Variants in FAM114A1 observed in about 807,000 individuals in gnomAD.
FAM114A1 encodes family with sequence similarity 114 member A1, also known as protein NOXP20.
Under a neutral mutation model 64.3 loss-of-function variants are expected in FAM114A1, and 62 were observed. The observed-to-expected ratio is 0.96, with a 90% CI of 0.79 to 1.19. FAM114A1 has a LOEUF of 1.19. Among genes scored for constraint, FAM114A1 ranks in the 50% most tolerant of loss-of-function variants. The pLI is 0.00. For missense variants in FAM114A1, 645 were observed against 676.3 expected (o/e 0.95, Z 0.51); for synonymous variants, 254 against 251.1 (o/e 1.01, Z -0.11).
At chr4:38,917,780 C>T (rs554646941) in intron 8 of FAM114A1, among the ~76,000 whole-genome samples, 2 of 152,256 alleles carry the variant, frequency 1.3e-5, no homozygotes, top group South Asian at 2.1e-4. Flanking sequence ...GAAGAAGGTT[C>T]GGCCTTTGGA....
intron 8 of FAM114A1, among the ~76,000 whole-genome samples, chr4:38,920,543 C>T (rs1011777817): frequency 4.6e-5 from 7 of 152,156 alleles, no homozygotes; most frequent in African/African-American, 9.7e-5. Flanking sequence ...AAGAGTGCTT[C>T]GCTAAAGAAA....
chr4:38,916,421 A>G (rs1719054579), intron 8 of FAM114A1, among the ~76,000 whole-genome samples: 1 of 152,232 alleles, frequency 6.6e-6, no homozygotes, highest in African/African-American at 2.4e-5. Context: ...AAGCCAAAGA[A>G]GCACAAATGT....
intron 9 of FAM114A1, chr4:38,928,976 C>A: frequency 4.4e-6 from 2 of 451,222 alleles, no homozygotes; most frequent in Non-Finnish European, 4.1e-6. Context: ...CCTCCCTGAC[C>A]TCTTGTTGCC....
chr4:38,916,783 A>G (rs1332240100), intron 8 of FAM114A1, among the ~76,000 whole-genome samples: 2 of 152,172 alleles, frequency 1.3e-5, no homozygotes, highest in African/African-American at 2.4e-5. Context: ...CGTTCTGCAC[A>G]TGTATCCCAG....
intron 3 of FAM114A1, among the ~76,000 whole-genome samples, chr4:38,886,547 G>T (rs1444162623): frequency 3.9e-5 from 6 of 152,144 alleles, no homozygotes; most frequent in African/African-American, 1.2e-4. Context: ...GACACATTTT[G>T]TTCATGTCGT....
At chr4:38,926,704 C>A (rs1383828744) in intron 9 of FAM114A1, among the ~76,000 whole-genome samples, 1 of 152,156 alleles carries the variant, frequency 6.6e-6, no homozygotes, top group African/African-American at 2.4e-5. Context: ...GATCCAACCA[C>A]GTTGGCCTCC....
intron 3 of FAM114A1, among the ~76,000 whole-genome samples, chr4:38,888,954 T>G (rs981841043): frequency 1.3e-5 from 2 of 152,240 alleles, no homozygotes; most frequent in Admixed American, 6.5e-5. Context: ...ATATGTGTAT[T>G]TAATCATTTG....
intron 7 of FAM114A1, among the ~76,000 whole-genome samples, chr4:38,914,075 G>A (rs1579364535): frequency 6.6e-6 from 1 of 152,038 alleles, no homozygotes; most frequent in South Asian, 2.1e-4. Flanking sequence ...ACTCCAGCCT[G>A]GGCAACAAGA....
intron 4 of FAM114A1, among the ~76,000 whole-genome samples, chr4:38,897,978 G>A (rs1256634631): frequency 6.6e-6 from 1 of 151,704 alleles, no homozygotes; most frequent in Non-Finnish European, 1.5e-5. Context: ...AAGAAAAGAG[G>A]GTTTTGATAG....
At chr4:38,940,142 C>A (rs1272752097) in intron 13 of FAM114A1, among the ~76,000 whole-genome samples, 1 of 152,138 alleles carries the variant, frequency 6.6e-6, no homozygotes, top group Non-Finnish European at 1.5e-5. Context: ...CCACTCACCT[C>A]GGCCTCTGAA....
At position 38,905,739 on chromosome 4, in the gene FAM114A1, T is replaced by C. The variant is rs766584561; in HGVS notation, c.551-16T>C. On this transcript the variant is annotated splice_polypyrimidine_tract_variant and intron_variant, in intron 5 of 14. Coordinates refer to ENST00000358869, the MANE Select transcript of FAM114A1 (RefSeq NM_138389.4). ...CAGCGACGTGAACTCTTAAAGGATT[T>C]CTTTTTTCTCTTTAGTAACAGATGC... 9.9e-6 allele frequency: 16 copies of C among 1,610,912 alleles called. No individual in the cohort carries two copies. The highest frequency in any genetic ancestry group is 1.4e-5 in the Non-Finnish European group (16 of 1,179,166).
intron 4 of FAM114A1, among the ~76,000 whole-genome samples, chr4:38,894,040 G>T (rs534282525): frequency 1.3e-5 from 2 of 152,038 alleles, no homozygotes; most frequent in South Asian, 4.2e-4. Flanking sequence ...GTGGGTGCCT[G>T]TAGTCCCAGC....
chr4:38,899,027 A>T (rs1476299865), intron 4 of FAM114A1, among the ~76,000 whole-genome samples: 2 of 106,086 alleles, frequency 1.9e-5, no homozygotes, highest in East Asian at 4.8e-4. Flanking sequence ...TATATATGTT[A>T]TATATATATA....
At position 38,924,974 on chromosome 4, in the gene FAM114A1, A is replaced by G. The variant is rs186868268; in HGVS notation, c.1069+2081A>G. On this transcript the variant is annotated intron_variant, in intron 9 of 14. Transcript: ENST00000358869. ...GAGATATTGTTGCCAATGCAACTAA[A>G]GAAATATTGCATCCCCAACTGGTGC... is the stretch of plus-strand genomic sequence containing the variant. 7.4e-4 allele frequency among the ~76,000 whole-genome samples: 112 copies of G among 152,376 alleles called. 1 individual carries two copies. The highest frequency in any genetic ancestry group is 6.8e-3 in the Middle Eastern group (2 of 294).
chr4:38,907,492 A>G (rs1718136315), intron 6 of FAM114A1, among the ~76,000 whole-genome samples: 1 of 152,138 alleles, frequency 6.6e-6, no homozygotes, highest in South Asian at 2.1e-4. Flanking sequence ...CAATAAAATA[A>G]TTTTTCATAG....
intron 4 of FAM114A1, among the ~76,000 whole-genome samples, chr4:38,895,478 G>A (rs1266308150): frequency 6.6e-6 from 1 of 152,174 alleles, no homozygotes; most frequent in African/African-American, 2.4e-5. Context: ...AACTGATCAA[G>A]GACCTTAATT....
intron 2 of FAM114A1, among the ~76,000 whole-genome samples, chr4:38,874,076 G>A (rs542805621): frequency 0.023 from 3,472 of 152,294 alleles, 132 homozygotes; most frequent in African/African-American, 0.076. Flanking sequence ...GCCACTGACT[G>A]AATGTAAGAA....
At chr4:38,930,406 G>T (rs957113145) in intron 10 of FAM114A1, among the ~76,000 whole-genome samples, 7 of 152,016 alleles carry the variant, frequency 4.6e-5, no homozygotes, top group African/African-American at 1.5e-4. Flanking sequence ...CTCTGATGGG[G>T]GTCACTGATT....
intron 8 of FAM114A1, among the ~76,000 whole-genome samples, chr4:38,919,756 T>C (rs1168018681): frequency 1.3e-5 from 2 of 152,210 alleles, no homozygotes; most frequent in Non-Finnish European, 2.9e-5. Context: ...TCATCCCTGC[T>C]GACAGTCATG....
Sources: allele counts gnomAD v4.1 joint callset (sites outside exome capture counted in the v4.1 genomes callset), GRCh38; gene constraint gnomAD v4.1.1; transcripts MANE v1.5; gene names NCBI Gene and HGNC (gene_info 2026-07-23, HGNC 2026-07-21).